The following DNAH8 variants were observed in gnomAD, a reference collection of about 807,000 sequenced individuals.
DNAH8 encodes the protein dynein axonemal heavy chain 8.
A neutral mutation model predicts 562.1 loss-of-function variants in DNAH8; 382 were observed. The ratio of observed to expected loss-of-function variants is 0.68; its 90% CI spans 0.63 to 0.74. The LOEUF is 0.74. Ranked by LOEUF, DNAH8 falls within the 30% of genes least tolerant of loss-of-function variation. DNAH8 has a pLI of 0.00. For synonymous variants in DNAH8, 1,881 were observed against 1,919.4 expected, an observed-to-expected ratio of 0.98 and a Z score of 0.52; for missense variants, 5,203 against 5,620.4, an observed-to-expected ratio of 0.93 and a Z score of 2.37.
chr6:38,901,123 A>G (rs930644425), intron 62 of DNAH8, among the ~76,000 whole-genome samples: 3 of 151,988 alleles, frequency 2.0e-5, no homozygotes, highest in Non-Finnish European at 4.4e-5. Flanking sequence ...TTGGATATAA[A>G]GGGTGTATAT....
intron 71 of DNAH8, among the ~76,000 whole-genome samples, chr6:38,922,487 G>C (rs1781787810): frequency 6.6e-6 from 1 of 151,936 alleles, no homozygotes; most frequent in Non-Finnish European, 1.5e-5. Flanking sequence ...TAAATAATTA[G>C]GAAGTAAGCT....
chr6:38,734,335 C>CCCCA (rs70981586), intron 4 of DNAH8, 139 bp from the exon 5 acceptor site: 91 of 558,780 alleles, frequency 1.6e-4, no homozygotes, highest in Admixed American at 5.2e-4. Context: ...GACCCCCCCC[C>CCCCA]AAAAAAATTA....
chr6:38,749,841 A>T (rs555247456), intron 8 of DNAH8, among the ~76,000 whole-genome samples: 2 of 151,770 alleles, frequency 1.3e-5, no homozygotes, highest in Admixed American at 6.6e-5. Context: ...TTTATTTTTT[A>T]TTTTTTTTGA....
In DNAH8 at chr6:38,945,540, T is replaced by C. The variant is rs753794969; in HGVS notation, c.12081T>C (p.Asn4027=). 2 of 1,614,172 alleles carry C rather than the reference T, an allele frequency of 1.2e-6. No homozygotes were observed. The highest frequency in any genetic ancestry group is 1.1e-5 in the South Asian group (1 of 91,074). ...YRWILDMTWL[N]LVELSKLPQF... ...GGATCCTTGACATGACTTGGCTGAA[T>C]CTTGTGGAGCTGAGTAAACTTCCAC... is the stretch of plus-strand genomic sequence containing the variant. Residue 4027 remains asparagine, a synonymous_variant, in exon 80 of 93, where the codon AAT becomes AAC. Transcript: ENST00000327475.
At chr6:38,874,260 C>A in intron 52 of DNAH8, among the ~76,000 whole-genome samples, 1 of 17,446 alleles carries the variant, frequency 5.7e-5, no homozygotes, top group African/African-American at 3.0e-4. Context: ...CCTTCCCTTC[C>A]CTTCCCTCCC....
At chr6:38,785,398 G>C (rs930477367) in intron 17 of DNAH8, among the ~76,000 whole-genome samples, 24 of 152,148 alleles carry the variant, frequency 1.6e-4, no homozygotes, top group African/African-American at 5.3e-4. Context: ...TTATTGGTCT[G>C]TTTTAGTTGT....
chr6:39,005,817 A>AT (rs1187318393), intron 88 of DNAH8, among the ~76,000 whole-genome samples: 1 of 152,176 alleles, frequency 6.6e-6, no homozygotes, highest in Non-Finnish European at 1.5e-5. Flanking sequence ...TGTAATTGTT[A>AT]TTTCTTTCTA....
At chr6:39,026,471 A>C (rs1767292255) in intron 91 of DNAH8, 75 bp from the exon 92 acceptor site, 1 of 1,452,864 alleles carries the variant, frequency 6.9e-7, no homozygotes, top group African/African-American at 1.4e-5. Context: ...AGCAAGTAAC[A>C]CTTAACATTG....
chr6:38,889,931 C>T (rs960179890), intron 57 of DNAH8, among the ~76,000 whole-genome samples: 1 of 152,206 alleles, frequency 6.6e-6, no homozygotes, highest in Non-Finnish European at 1.5e-5. Context: ...ACTGAACACA[C>T]TCTGCAGTGT....
At chr6:38,873,744 A>G (rs966745477) in intron 52 of DNAH8, among the ~76,000 whole-genome samples, 4 of 95,132 alleles carry the variant, frequency 4.2e-5, no homozygotes, top group Non-Finnish European at 9.2e-5. Flanking sequence ...ACACACACAC[A>G]CACACACACA....
rs1776401464 is a variant in DNAH8 at position 38,858,922 on chromosome 6, T to A, written c.5958+1180T>A. On this transcript the variant is annotated intron_variant, in intron 42 of 92. Coordinates refer to ENST00000327475, the MANE Select transcript of DNAH8 (RefSeq NM_001206927.2). ...TCACTGGCTCCTAAAACTGAAGTCCTGTGAAAGAAATTTCTTTTAAAATTA... is the reference window on the plus strand; with the variant it reads ...TCACTGGCTCCTAAAACTGAAGTCCAGTGAAAGAAATTTCTTTTAAAATTA... Among the ~76,000 whole-genome samples, 4 of 152,202 alleles carry A rather than the reference T, an allele frequency of 2.6e-5. No homozygotes were observed. In the South Asian group the frequency reaches 8.3e-4, roughly 32 times the overall value.
intron 9 of DNAH8, among the ~76,000 whole-genome samples, chr6:38,753,336 TG>T (rs1765629315): frequency 1.3e-5 from 2 of 152,348 alleles, no homozygotes; most frequent in South Asian, 4.1e-4. Context: ...AACTTTACAA[TG>T]TGAGCAATTA....
intron 53 of DNAH8, among the ~76,000 whole-genome samples, chr6:38,878,801 G>A (rs1400512257): frequency 6.6e-6 from 1 of 152,140 alleles, no homozygotes; most frequent in African/African-American, 2.4e-5. Flanking sequence ...GCTGAATATA[G>A]TTAATAACTG....
rs1778968176 is a variant in DNAH8, at chr6:38,886,904, C to T, written c.8373C>T (p.His2791=). Residue 2791 remains histidine, a synonymous_variant, in exon 57 of 93, where the codon CAC becomes CAT. Transcript: ENST00000327475. ...VDVQLIAAMI[H]PGGGRNDIPQ... ...TGCAGCTCATAGCAGCAATGATCCA[C>T]CCTGGAGGTGGTCGAAATGATATTC... is the stretch of plus-strand genomic sequence containing the variant. The T allele has an allele frequency of 1.2e-6, 2 of 1,613,738 alleles. No homozygotes were observed. Among genetic ancestry groups the T allele is most frequent in the Non-Finnish European group, 1.7e-6 (2 of 1,179,790 alleles).
chr6:38,945,232 G>C (rs1761291325), intron 79 of DNAH8, among the ~76,000 whole-genome samples: 1 of 152,024 alleles, frequency 6.6e-6, no homozygotes, highest in South Asian at 2.1e-4. Flanking sequence ...TCTTTGCAGG[G>C]AAAAATGACA....
chr6:38,804,165 A>G (rs938156137), intron 22 of DNAH8, among the ~76,000 whole-genome samples: 17 of 152,200 alleles, frequency 1.1e-4, no homozygotes, highest in Admixed American at 3.9e-4. Flanking sequence ...TTTTATTAAT[A>G]AGCCCGAGAG....
At chr6:38,746,009 A>G (rs1157081687) in intron 8 of DNAH8, among the ~76,000 whole-genome samples, 1 of 152,208 alleles carries the variant, frequency 6.6e-6, no homozygotes, top group Non-Finnish European at 1.5e-5. Flanking sequence ...TTTGTGGAAA[A>G]TAACCTTAAA....
chr6:38,843,113 TG>T (rs1454868527), intron 35 of DNAH8, among the ~76,000 whole-genome samples: 2 of 152,186 alleles, frequency 1.3e-5, no homozygotes, highest in South Asian at 2.1e-4. Context: ...ATACATTATT[TG>T]AAATACATTT....
At chr6:38,997,306 C>G (rs980572693) in intron 88 of DNAH8, among the ~76,000 whole-genome samples, 7 of 152,170 alleles carry the variant, frequency 4.6e-5, no homozygotes, top group Admixed American at 1.3e-4. Flanking sequence ...GTTCCCCCAC[C>G]GGCCACCAGG....
Sources: allele counts gnomAD v4.1 joint callset (sites outside exome capture counted in the v4.1 genomes callset), GRCh38; gene constraint gnomAD v4.1.1; transcripts MANE v1.5; gene names NCBI Gene and HGNC (gene_info 2026-07-23, HGNC 2026-07-21).